VEZT: variants seen among roughly 807,000 people sequenced by gnomAD.
VEZT encodes the protein vezatin.
A neutral mutation model predicts 79.9 loss-of-function variants in VEZT; 39 were observed. The ratio of observed to expected loss-of-function variants is 0.49; its 90% CI spans 0.38 to 0.64. The LOEUF is 0.64. VEZT is among the 30% of genes least tolerant of loss of function. The pLI, the probability that VEZT is intolerant of heterozygous loss-of-function variation, is 0.00. For missense variants in VEZT, 837 were observed against 893.1 expected (o/e 0.94, Z 0.80); for synonymous variants, 325 against 327.6 (o/e 0.99, Z 0.09).
rs1441526549 is a variant in VEZT at position 95,300,306 on chromosome 12, T to C, written c.1973T>C (p.Ile658Thr). The C allele has an allele frequency of 1.2e-6, 2 of 1,609,198 alleles. No individual in the cohort carries two copies. The highest frequency in any genetic ancestry group is 1.7e-6 in the Non-Finnish European group (2 of 1,177,630). ...AAATCCGCCACAACAGACAATGAAA[T>C]AAGTAGGACTGAGTATTTATGTGAA... ...SNKSATTDNE[I>T]SRTEYLCENS... The change falls in exon 12 of 12, where the codon ATA becomes ACA. Residue 658 changes from isoleucine to threonine, a missense_variant. Coordinates refer to ENST00000436874, the MANE Select transcript of VEZT (RefSeq NM_017599.4).
chr12:95,283,487 C>T (rs2069712701), intron 8 of VEZT, among the ~76,000 whole-genome samples: 1 of 152,084 alleles, frequency 6.6e-6, no homozygotes, highest in Non-Finnish European at 1.5e-5. Context: ...GTACTTGACC[C>T]TGGGATACAA....
intron 4 of VEZT, among the ~76,000 whole-genome samples, chr12:95,264,807 A>G (rs1394895459): frequency 4.7e-5 from 5 of 107,276 alleles, no homozygotes; most frequent in Non-Finnish European, 7.9e-5. Context: ...CTTTCCAAAT[A>G]TTGCTGTTTT....
intron 1 of VEZT, among the ~76,000 whole-genome samples, chr12:95,230,104 C>CAAA (rs11386464): frequency 1.8e-4 from 13 of 72,300 alleles, no homozygotes; most frequent in African/African-American, 3.1e-4. Flanking sequence ...GATTCCGTCT[C>CAAA]AAAAAAAAAA....
At chr12:95,233,821 G>A (rs1037531759) in intron 1 of VEZT, among the ~76,000 whole-genome samples, 3 of 151,932 alleles carry the variant, frequency 2.0e-5, no homozygotes, top group African/African-American at 7.3e-5. Flanking sequence ...CCATTTTGTG[G>A]GTTTTTTAAA....
intron 1 of VEZT, chr12:95,231,308 A>G (rs920306529): frequency 6.6e-6 from 1 of 152,218 alleles, no homozygotes; most frequent in Admixed American, 6.5e-5. Context: ...TTGCTGAGTA[A>G]TAACAGCACT....
chr12:95,289,961 G>T (rs1336982506), intron 9 of VEZT, among the ~76,000 whole-genome samples: 1 of 152,082 alleles, frequency 6.6e-6, no homozygotes. Context: ...TAGACTTGAA[G>T]CCCCATTACC....
At chr12:95,235,642 G>A (rs1189103771) in intron 1 of VEZT, among the ~76,000 whole-genome samples, 4 of 134,076 alleles carry the variant, frequency 3.0e-5, no homozygotes, top group South Asian at 2.5e-4. Flanking sequence ...CTCACCTCCC[G>A]GATGGGGCGG....
In VEZT at chr12:95,239,538, A is replaced by G. The variant is rs539667278; in HGVS notation, c.37-12402A>G. Among the ~76,000 whole-genome samples the G allele has an allele frequency of 2.0e-4, 31 of 152,340 alleles. No individual in the cohort carries two copies. In the South Asian group the frequency reaches 3.7e-3, roughly 18 times the overall value. ...TGGCCACTAGTTAGTGCAGACTACA[A>G]ATTGCTTTTCTGAAAGGGTATATGG... On this transcript the variant is annotated intron_variant, in intron 1 of 11. Coordinates refer to ENST00000436874, the MANE Select transcript of VEZT (RefSeq NM_017599.4).
At chr12:95,244,006 C>G in intron 1 of VEZT, 1 of 455,970 alleles carries the variant, frequency 2.2e-6, no homozygotes, top group South Asian at 1.5e-5. Context: ...GAACTATGAG[C>G]TAAGTAAGCT....
At chr12:95,248,715 C>G (rs886162277) in intron 1 of VEZT, among the ~76,000 whole-genome samples, 2 of 151,068 alleles carry the variant, frequency 1.3e-5, no homozygotes, top group Non-Finnish European at 2.9e-5. Context: ...GAGGAGGGCA[C>G]GATGGCTTGC....
intron 3 of VEZT, chr12:95,262,350 A>G (rs991434380): frequency 6.6e-6 from 1 of 152,264 alleles, no homozygotes; most frequent in Non-Finnish European, 1.5e-5. Flanking sequence ...TTGATAGATG[A>G]ATAGAAAGAA....
chr12:95,228,889 C>T (rs983558363), intron 1 of VEZT, among the ~76,000 whole-genome samples: 1 of 152,076 alleles, frequency 6.6e-6, no homozygotes, highest in Non-Finnish European at 1.5e-5. Context: ...TGCAGTGCAA[C>T]CTGCTTCGGG....
chr12:95,234,683 A>AT (rs1566011017), intron 1 of VEZT, among the ~76,000 whole-genome samples: 6 of 151,562 alleles, frequency 4.0e-5, no homozygotes, highest in Admixed American at 2.6e-4. Context: ...TTATTTATTT[A>AT]TTTTTTAATT....
intron 9 of VEZT, among the ~76,000 whole-genome samples, chr12:95,293,027 T>A (rs946825667): frequency 5.3e-5 from 8 of 151,830 alleles, no homozygotes; most frequent in African/African-American, 1.9e-4. Context: ...ATTTTTCTAT[T>A]TTTAGTAGAG....
At position 95,294,929 on chromosome 12, in the gene VEZT, T is replaced by A. The variant is rs116713163; in HGVS notation, c.1623+557T>A. 9.7e-3 allele frequency among the ~76,000 whole-genome samples: 1,471 copies of A among 152,308 alleles called. 20 individuals carry two copies. The highest frequency in any genetic ancestry group is 0.033 in the African/African-American group (1,392 of 41,566). Reference sequence around the variant, plus strand: ...ACAGACAGATACTTTATTTAAACTTTTAGGTAGCTTACAGAATATTTCAGA... The same window carrying A: ...ACAGACAGATACTTTATTTAAACTTATAGGTAGCTTACAGAATATTTCAGA... On this transcript the variant is annotated intron_variant, in intron 10 of 11. Coordinates refer to ENST00000436874, the MANE Select transcript of VEZT (RefSeq NM_017599.4).
chr12:95,286,621 T>C, intron 8 of VEZT: 1 of 440,914 alleles, frequency 2.3e-6, no homozygotes, highest in South Asian at 1.9e-5. Flanking sequence ...AATTAAGAAA[T>C]GCTTCAATTA....
intron 1 of VEZT, among the ~76,000 whole-genome samples, chr12:95,226,098 TA>T (rs11309269): frequency 0.32 from 43,293 of 137,406 alleles, 6,731 homozygotes; most frequent in African/African-American, 0.41. Flanking sequence ...TGCCTTTATT[TA>T]AAAAAAAAAA....
At chr12:95,221,603 G>C (rs1401714202) in intron 1 of VEZT, among the ~76,000 whole-genome samples, 1 of 151,540 alleles carries the variant, frequency 6.6e-6, no homozygotes, top group Non-Finnish European at 1.5e-5. Flanking sequence ...AGCACTTTGG[G>C]AGGCTAAGGT....
intron 1 of VEZT, among the ~76,000 whole-genome samples, chr12:95,231,922 G>T (rs980022773): frequency 6.6e-6 from 1 of 152,118 alleles, no homozygotes; most frequent in African/African-American, 2.4e-5. Context: ...TTTTGACAGA[G>T]ATTTAGCCTT....
Sources: allele counts gnomAD v4.1 joint callset (sites outside exome capture counted in the v4.1 genomes callset), GRCh38; gene constraint gnomAD v4.1.1; transcripts MANE v1.5; gene names NCBI Gene and HGNC (gene_info 2026-07-23, HGNC 2026-07-21).